Variants in ING5 observed in about 807,000 individuals in gnomAD.
ING5 encodes inhibitor of growth family member 5.
In ING5, 17 loss-of-function variants were observed where a neutral mutation model predicts 37.4. That is an observed-to-expected ratio of 0.45 (90% CI 0.31 to 0.68). The LOEUF (loss-of-function observed/expected upper bound fraction) is 0.68, where lower values mean the gene tolerates loss of function less well. Among genes scored for constraint, ING5 ranks in the 30% least tolerant of loss-of-function variants. ING5 has a pLI of 0.05. For synonymous variants in ING5, 123 were observed against 116.6 expected (o/e 1.06, Z -0.36); for missense variants, 233 against 311.9 (o/e 0.75, Z 1.91).
intron 2 of ING5, chr2:241,694,295 T>A (rs1311522627): frequency 6.6e-6 from 1 of 151,576 alleles, no homozygotes; most frequent in Non-Finnish European, 1.5e-5. Flanking sequence ...TACAAAAAAT[T>A]AGCCCGGCGT....
At chr2:241,698,396 G>A (rs2069661866), upstream of ING5, among the ~76,000 whole-genome samples, 1 of 151,232 alleles carries the variant, frequency 6.6e-6, no homozygotes, top group African/African-American at 2.4e-5. Context: ...AGTGAGCCGA[G>A]CCCAGCTAAT....
At chr2:241,689,353 G>C (rs6437279) in intron 1 of ING5, among the ~76,000 whole-genome samples, 1 of 151,892 alleles carries the variant, frequency 6.6e-6, no homozygotes, top group Non-Finnish European at 1.5e-5. Context: ...CGGGTGATCC[G>C]CCCACGTCAG....
chr2:241,709,676 A>C (rs2070046688), intron 3 of ING5, among the ~76,000 whole-genome samples: 1 of 148,578 alleles, frequency 6.7e-6, no homozygotes, highest in African/African-American at 2.5e-5. Flanking sequence ...GTGTGATTTC[A>C]GCTCAGTGCA....
chr2:241,716,775 C>T (rs1382615811), intron 5 of ING5, among the ~76,000 whole-genome samples: 1 of 152,130 alleles, frequency 6.6e-6, no homozygotes. Context: ...CACGTTATTA[C>T]CTTAGATGCA....
chr2:241,708,775 T>C (rs1416630122), intron 2 of ING5, among the ~76,000 whole-genome samples: 1 of 152,208 alleles, frequency 6.6e-6, no homozygotes, highest in East Asian at 1.9e-4. Flanking sequence ...TCTGCTCTTA[T>C]GAATGTTTCC....
chr2:241,724,050 C>T, intron 7 of ING5: 2 of 1,391,254 alleles, frequency 1.4e-6, no homozygotes, highest in Non-Finnish European at 1.9e-6. Context: ...CTTTGTTTGC[C>T]TGTGCTGAAA....
In ING5 at chr2:241,725,891, T is replaced by C. The variant is rs1559316693; in HGVS notation, c.*860T>C. The C allele has an allele frequency of 1.3e-5, 2 of 152,676 alleles. No individual in the cohort carries two copies. Among genetic ancestry groups the C allele is most frequent in the Non-Finnish European group, 2.9e-5 (2 of 68,050 alleles). 9.5% of individuals were successfully genotyped at this position (152,676 alleles called of 1,614,324 possible). A position where few individuals can be genotyped will look rare whatever the true frequency, so the allele number is the denominator to read the frequency against. Reference sequence around the variant, plus strand: ...GACGAACCACGAATGCTTCTGCCTGTGCTGTGCATTCCCAGGCCCGCAGCT... The same window carrying C: ...GACGAACCACGAATGCTTCTGCCTGCGCTGTGCATTCCCAGGCCCGCAGCT... On this transcript the variant is annotated 3_prime_UTR_variant, in exon 8 of 8. Coordinates refer to ENST00000313552, the MANE Select transcript of ING5 (RefSeq NM_032329.6).
intron 2 of ING5, among the ~76,000 whole-genome samples, chr2:241,705,408 T>TTTC (rs2069878513): frequency 1.4e-5 from 2 of 145,086 alleles, no homozygotes; most frequent in East Asian, 2.1e-4. Context: ...TTTTTTTTTT[T>TTTC]TTTTTTTGAG....
chr2:241,725,148 C>T lies in ING5; in HGVS notation c.*117C>T. 9.3e-7 allele frequency: 1 copy of T among 1,078,588 alleles called. No homozygotes were observed. The highest frequency in any genetic ancestry group is 1.4e-6 in the Non-Finnish European group (1 of 708,452). 66.8% of individuals were successfully genotyped at this position (1,078,588 alleles called of 1,614,324 possible). A position where few individuals can be genotyped will look rare whatever the true frequency, so the allele number is the denominator to read the frequency against. On this transcript the variant is annotated 3_prime_UTR_variant, in exon 8 of 8. Coordinates refer to ENST00000313552, the MANE Select transcript of ING5 (RefSeq NM_032329.6). ...GGTTGATACTTAGTAACTCCGTGGCCAGTTGAAGCGCTGGATGTTTCCTAG... is the reference window on the plus strand; with the variant it reads ...GGTTGATACTTAGTAACTCCGTGGCTAGTTGAAGCGCTGGATGTTTCCTAG...
intron 1 of ING5, among the ~76,000 whole-genome samples, chr2:241,704,396 C>T (rs942620707): frequency 2.3e-4 from 35 of 152,046 alleles, no homozygotes; most frequent in African/African-American, 8.0e-4. Flanking sequence ...TGTGAAACCC[C>T]GTCTCAACTA....
At chr2:241,719,596 A>G in intron 5 of ING5, 3 of 1,536,010 alleles carry the variant, frequency 2.0e-6, no homozygotes, top group Non-Finnish European at 2.6e-6. Flanking sequence ...TTCCTCACCC[A>G]GTGCTGTTTC....
At chr2:241,722,743 G>A in intron 5 of ING5, 196 bp from the exon 6 acceptor site, 2 of 985,414 alleles carry the variant, frequency 2.0e-6, no homozygotes, top group South Asian at 9.4e-5. Context: ...ATTTCTAAAG[G>A]ACAATGGGAA....
At chr2:241,720,581 C>T in intron 5 of ING5, 1 of 986,690 alleles carries the variant, frequency 1.0e-6, no homozygotes, top group Non-Finnish European at 1.2e-6. Context: ...CCTGTAGCAC[C>T]TGGAATCCCG....
intron 7 of ING5, chr2:241,724,610 G>T (rs145806849): frequency 1.2e-4 from 31 of 250,606 alleles, no homozygotes; most frequent in African/African-American, 6.5e-4. Context: ...CTGGGTTTCC[G>T]TGGGCCTGAG....
chr2:241,701,827 G>C (rs2069732728), upstream of ING5, among the ~76,000 whole-genome samples: 1 of 152,014 alleles, frequency 6.6e-6, no homozygotes, highest in Non-Finnish European at 1.5e-5. Flanking sequence ...GCTCCTCCTC[G>C]GCCTCCGATC....
exon 1 of ING5, chr2:241,687,517 G>T: frequency 2.6e-6 from 1 of 377,902 alleles, no homozygotes; most frequent in East Asian, 3.6e-5. Context: ...GAAAGTCCGT[G>T]TGTGTGTTTT....
chr2:241,721,294 G>C, intron 5 of ING5: 1 of 985,454 alleles, frequency 1.0e-6, no homozygotes, highest in South Asian at 4.7e-5. Flanking sequence ...TGAGACTGTT[G>C]CTTGAAAGCA....
In ING5 at chr2:241,709,399, G is replaced by A; in HGVS notation, c.276+17G>A. On this transcript the variant is annotated intron_variant, in intron 3 of 7. Transcript: ENST00000313552. ...TACGAGATGGTGAGGGCGGGGCGGG[G>A]GCCATGGCTCTTCCTCTGACCTCTA... The A allele has an allele frequency of 6.2e-7, 1 of 1,603,772 alleles. No homozygotes were observed. The highest frequency in any genetic ancestry group is 1.1e-5 in the South Asian group (1 of 89,878).
intron 4 of ING5, 112 bp from the exon 5 acceptor site, chr2:241,711,866 A>G (rs1575130192): frequency 1.0e-6 from 1 of 961,208 alleles, no homozygotes; most frequent in Non-Finnish European, 1.5e-6. Context: ...GCTCCGCTGC[A>G]CTCCAGCCAG....
Sources: gnomAD v4.1 joint callset for allele counts (sites outside exome capture counted in the v4.1 genomes callset) on GRCh38, gnomAD v4.1.1 for gene constraint, MANE v1.5 for transcripts, NCBI Gene and HGNC (gene_info 2026-07-23, HGNC 2026-07-21) for gene names.